Variants in CDH13 observed in about 807,000 individuals in gnomAD.
CDH13 encodes the protein cadherin-13.
A neutral mutation model predicts 63.8 loss-of-function variants in CDH13; 24 were observed. The ratio of observed to expected loss-of-function variants is 0.38; its 90% CI spans 0.27 to 0.53. CDH13 has a LOEUF of 0.53. Among genes scored for constraint, CDH13 ranks in the 20% least tolerant of loss-of-function variants. The pLI is 0.85. For synonymous variants in CDH13, 503 were observed against 355.3 expected (o/e 1.42, Z -4.67); for missense variants, 1,049 against 903.1 (o/e 1.16, Z -2.07).
intron 6 of CDH13, among the ~76,000 whole-genome samples, chr16:83,466,375 A>T (rs1285278135): frequency 2.6e-5 from 4 of 152,192 alleles, no homozygotes; most frequent in African/African-American, 9.7e-5. Context: ...AATAAGCTGG[A>T]CATTAGAACC....
At chr16:83,790,657 C>A (rs1164528920) in intron 13 of CDH13, among the ~76,000 whole-genome samples, 2 of 152,208 alleles carry the variant, frequency 1.3e-5, no homozygotes, top group African/African-American at 4.8e-5. Flanking sequence ...CCCGCCTCGG[C>A]CTCCCAAAGT....
intron 5 of CDH13, among the ~76,000 whole-genome samples, chr16:83,251,667 T>C (rs979348946): frequency 6.6e-6 from 1 of 152,238 alleles, no homozygotes; most frequent in Admixed American, 6.5e-5. Context: ...GCCATTGGCG[T>C]AGGCCTTCGT....
At chr16:83,038,064 C>T (rs1457716911) in intron 3 of CDH13, among the ~76,000 whole-genome samples, 1 of 152,150 alleles carries the variant, frequency 6.6e-6, no homozygotes, top group African/African-American at 2.4e-5. Flanking sequence ...AAGGCATGCT[C>T]AGAGAGGTAG....
At chr16:83,750,787 G>A (rs566235579) in intron 11 of CDH13, among the ~76,000 whole-genome samples, 13 of 152,288 alleles carry the variant, frequency 8.5e-5, no homozygotes, top group Non-Finnish European at 1.5e-5. Flanking sequence ...AACCAAACCT[G>A]CAGATGCTTC....
At chr16:82,949,889 T>C (rs1054546797) in intron 2 of CDH13, among the ~76,000 whole-genome samples, 3 of 152,052 alleles carry the variant, frequency 2.0e-5, no homozygotes, top group Non-Finnish European at 2.9e-5. Context: ...TCCTGACCAA[T>C]TGGGTGCTTC....
At chr16:82,878,103 C>G (rs949640533) in intron 2 of CDH13, among the ~76,000 whole-genome samples, 27 of 152,050 alleles carry the variant, frequency 1.8e-4, no homozygotes. Context: ...GTGGAATCAG[C>G]CTCAGAAGCC....
At chr16:83,104,750 T>C (rs1465814447) in intron 3 of CDH13, among the ~76,000 whole-genome samples, 1 of 152,198 alleles carries the variant, frequency 6.6e-6, no homozygotes, top group Admixed American at 6.5e-5. Context: ...GGCAATTGAC[T>C]TTGGTGGTTA....
At position 82,791,244 on chromosome 16, in the gene CDH13, A is replaced by G. The variant is rs933498435; in HGVS notation, c.46-67118A>G. 1.2e-4 allele frequency among the ~76,000 whole-genome samples: 18 copies of G among 151,854 alleles called. No individual in the cohort carries two copies. The East Asian group carries it at 3.5e-3, about 29-fold the overall frequency. On this transcript the variant is annotated intron_variant, in intron 1 of 13. Coordinates refer to ENST00000567109, the MANE Select transcript of CDH13 (RefSeq NM_001257.5). ...AAAGCGAGACTCCGTCTCCAAAAAA[A>G]AAAAAAAAAAAAAAATTCCTAAGCC...
At chr16:82,840,710 ACTTGC>A in intron 1 of CDH13, among the ~76,000 whole-genome samples, 2 of 151,700 alleles carry the variant, frequency 1.3e-5, no homozygotes, top group Middle Eastern at 3.5e-3. Context: ...AAAGAAAAAA[ACTTGC>A]ATAATGGAGC....
chr16:83,206,742 C>G (rs2151772799), intron 4 of CDH13, among the ~76,000 whole-genome samples: 1 of 151,292 alleles, frequency 6.6e-6, no homozygotes, highest in South Asian at 2.1e-4. Context: ...TGTGGGTGAG[C>G]TAGAAAATTT....
intron 2 of CDH13, among the ~76,000 whole-genome samples, chr16:82,869,807 C>T (rs1283124562): frequency 6.6e-6 from 1 of 152,126 alleles, no homozygotes; most frequent in East Asian, 1.9e-4. Flanking sequence ...AGCCCTATCT[C>T]TTGCCATATA....
intron 3 of CDH13, among the ~76,000 whole-genome samples, chr16:83,085,325 A>G (rs910174570): frequency 2.0e-5 from 3 of 152,106 alleles, no homozygotes; most frequent in African/African-American, 4.8e-5. Flanking sequence ...CCAGGATTCA[A>G]TTACCTCCCC....
At chr16:83,034,288 C>T (rs574730647) in intron 3 of CDH13, among the ~76,000 whole-genome samples, 8 of 152,232 alleles carry the variant, frequency 5.3e-5, no homozygotes, top group African/African-American at 1.2e-4. Context: ...AGGGTGGAAC[C>T]TATCTGCCAT....
At chr16:83,684,580 A>G (rs1174690925) in intron 10 of CDH13, among the ~76,000 whole-genome samples, 1 of 152,196 alleles carries the variant, frequency 6.6e-6, no homozygotes, top group East Asian at 1.9e-4. Flanking sequence ...AGGGCAACCA[A>G]GTAGCAATTC....
At chr16:83,562,318 G>A (rs1567765909) in intron 7 of CDH13, among the ~76,000 whole-genome samples, 1 of 152,050 alleles carries the variant, frequency 6.6e-6, no homozygotes, top group East Asian at 1.9e-4. Flanking sequence ...GCAGAGTTCA[G>A]CTCTACTACC....
intron 3 of CDH13, among the ~76,000 whole-genome samples, chr16:83,048,169 A>T (rs1597219555): frequency 6.6e-6 from 1 of 152,206 alleles, no homozygotes. Flanking sequence ...CATCTCAGTG[A>T]TGGAGACCAA....
rs182395824 is a variant in CDH13, at chr16:83,172,627, A to G, written c.484-44718A>G. ...TGAGAAGCTAGGAGACAGGCTTGGA[A>G]CAGATTCCTCCTCACAGACCTCAGA... On this transcript the variant is annotated intron_variant, in intron 4 of 13. Transcript: ENST00000567109. 3.3e-5 allele frequency among the ~76,000 whole-genome samples: 5 copies of G among 152,200 alleles called. No individual in the cohort carries two copies. The East Asian group carries it at 9.7e-4, about 29-fold the overall frequency.
chr16:82,667,062 C>T (rs1160177405), intron 1 of CDH13, among the ~76,000 whole-genome samples: 1 of 152,194 alleles, frequency 6.6e-6, no homozygotes, highest in Non-Finnish European at 1.5e-5. Flanking sequence ...ACAAAGGAAT[C>T]AGCTGTTCCT....
intron 6 of CDH13, among the ~76,000 whole-genome samples, chr16:83,422,137 A>T (rs914737510): frequency 1.3e-5 from 2 of 152,248 alleles, no homozygotes; most frequent in Non-Finnish European, 2.9e-5. Flanking sequence ...AAATTTGTTT[A>T]TCATTTGAAG....
Sources: allele counts gnomAD v4.1 joint callset (sites outside exome capture counted in the v4.1 genomes callset), GRCh38; gene constraint gnomAD v4.1.1; transcripts MANE v1.5; gene names NCBI Gene and HGNC (gene_info 2026-07-23, HGNC 2026-07-21).